The following SGCZ variants were observed in gnomAD, a reference collection of about 807,000 sequenced individuals.
SGCZ encodes the protein sarcoglycan zeta, also known as zeta-sarcoglycan.
A neutral mutation model predicts 41.3 loss-of-function variants in SGCZ; 40 were observed. The observed-to-expected ratio is 0.97, with a 90% CI of 0.75 to 1.26. SGCZ has a LOEUF of 1.26. Among genes scored for constraint, SGCZ ranks in the 50% most tolerant of loss-of-function variants. The pLI, the probability that SGCZ is intolerant of heterozygous loss-of-function variation, is 0.00. For missense variants in SGCZ, 552 were observed against 369.8 expected (o/e 1.49, Z -4.04); for synonymous variants, 206 against 137.5 (o/e 1.50, Z -3.49).
At chr8:14,907,420 T>C (rs776436890) in intron 1 of SGCZ, among the ~76,000 whole-genome samples, 48 of 152,090 alleles carry the variant, frequency 3.2e-4, no homozygotes, top group Admixed American at 6.6e-4. Flanking sequence ...ACTCCTGGGC[T>C]CAAGTGATCC....
At chr8:14,301,462 G>A (rs748441688) in intron 3 of SGCZ, among the ~76,000 whole-genome samples, 8 of 151,722 alleles carry the variant, frequency 5.3e-5, no homozygotes, top group East Asian at 1.9e-4. Flanking sequence ...ATTCACCCTC[G>A]TCTTAGTTTG....
chr8:15,056,295 A>G (rs981994825), intron 1 of SGCZ, among the ~76,000 whole-genome samples: 2 of 152,170 alleles, frequency 1.3e-5, no homozygotes, highest in African/African-American at 4.8e-5. Context: ...GATAATATGA[A>G]CTGATCTGAG....
At chr8:14,438,507 T>C (rs950925587) in intron 2 of SGCZ, among the ~76,000 whole-genome samples, 3 of 151,986 alleles carry the variant, frequency 2.0e-5, no homozygotes, top group Admixed American at 2.0e-4. Flanking sequence ...TCTATTCAAT[T>C]CTATTCTAGA....
At chr8:15,171,094 C>T (rs1799813572) in intron 1 of SGCZ, among the ~76,000 whole-genome samples, 1 of 152,080 alleles carries the variant, frequency 6.6e-6, no homozygotes, top group Non-Finnish European at 1.5e-5. Context: ...TTTACCTAGA[C>T]AAAAGATAAC....
intron 7 of SGCZ, 62 bp from the exon 8 acceptor site, chr8:14,090,699 A>T: frequency 7.1e-7 from 1 of 1,401,408 alleles, no homozygotes; most frequent in Non-Finnish European, 9.8e-7. Context: ...AGTAATCTAC[A>T]TCCCTCCTCA....
chr8:14,762,892 T>C (rs555735672), intron 1 of SGCZ, among the ~76,000 whole-genome samples: 2 of 152,200 alleles, frequency 1.3e-5, no homozygotes, highest in South Asian at 2.1e-4. Flanking sequence ...TGGAGTTAGA[T>C]AATTTTACAT....
In SGCZ at chr8:14,708,965, C is replaced by T. The variant is rs1399477678; in HGVS notation, c.40-154039G>A. Among the ~76,000 whole-genome samples, 5 of 151,994 alleles carry T rather than the reference C, an allele frequency of 3.3e-5. No individual in the cohort carries two copies. The South Asian group carries it at 6.2e-4, about 19-fold the overall frequency. On this transcript the variant is annotated intron_variant, in intron 1 of 7. Transcript: ENST00000382080. The stretch of plus-strand genomic sequence containing the variant: ...TTTCTAAGAAAAGAAATTTGATACC[C>T]AGAATTTTGTTCATCTTGACCCAAT...
At position 15,123,820 on chromosome 8, in the gene SGCZ, C is replaced by T. The variant is rs549615173; in HGVS notation, c.39+113765G>A. 4.7e-4 allele frequency among the ~76,000 whole-genome samples: 72 copies of T among 152,202 alleles called. 1 individual carries two copies. The highest frequency in any genetic ancestry group is 2.1e-4 in the South Asian group (1 of 4,826). On this transcript the variant is annotated intron_variant, in intron 1 of 7. Coordinates refer to ENST00000382080, the MANE Select transcript of SGCZ (RefSeq NM_139167.4). ...AAGTACACTGAAACAACATCAATCG[C>T]AGACTGAGGGTCAGACAAGGCTTTC...
intron 1 of SGCZ, among the ~76,000 whole-genome samples, chr8:15,116,555 T>C (rs1375143761): frequency 2.0e-5 from 3 of 152,190 alleles, no homozygotes; most frequent in Admixed American, 1.3e-4. Flanking sequence ...TTATTAAACC[T>C]CATCCAATTA....
At chr8:14,746,780 T>C (rs554791024) in intron 1 of SGCZ, among the ~76,000 whole-genome samples, 72 of 152,304 alleles carry the variant, frequency 4.7e-4, no homozygotes, top group African/African-American at 1.7e-3. Flanking sequence ...TGTTTGTGTG[T>C]ATACCAAACA....
intron 2 of SGCZ, among the ~76,000 whole-genome samples, chr8:14,483,479 G>C (rs566210960): frequency 6.6e-6 from 1 of 152,324 alleles, no homozygotes; most frequent in African/African-American, 2.4e-5. Context: ...GCTGAAGCAA[G>C]AGGATTGCTT....
intron 1 of SGCZ, among the ~76,000 whole-genome samples, chr8:14,978,239 G>GT (rs1801545344): frequency 6.6e-6 from 1 of 151,458 alleles, no homozygotes; most frequent in East Asian, 1.9e-4. Flanking sequence ...AGGCTGAGGG[G>GT]GGTGGATCAC....
At chr8:14,323,123 T>A (rs974986869) in intron 3 of SGCZ, among the ~76,000 whole-genome samples, 5 of 152,056 alleles carry the variant, frequency 3.3e-5, no homozygotes, top group African/African-American at 1.2e-4. Flanking sequence ...TTGCATATTT[T>A]AAAAAAGAAA....
intron 1 of SGCZ, among the ~76,000 whole-genome samples, chr8:14,835,681 C>T (rs961024742): frequency 6.6e-6 from 1 of 152,160 alleles, no homozygotes; most frequent in Non-Finnish European, 1.5e-5. Context: ...GTTTGCTGCG[C>T]TTTAGCCAAT....
At chr8:15,053,026 T>C (rs984018915) in intron 1 of SGCZ, among the ~76,000 whole-genome samples, 3 of 152,148 alleles carry the variant, frequency 2.0e-5, no homozygotes, top group Non-Finnish European at 4.4e-5. Flanking sequence ...AACTTCAAAA[T>C]CCAGCATTCC....
chr8:14,475,755 G>T (rs1554523821), intron 2 of SGCZ, among the ~76,000 whole-genome samples: 1 of 151,936 alleles, frequency 6.6e-6, no homozygotes, highest in Non-Finnish European at 1.5e-5. Context: ...CCATATCAAT[G>T]ATATATATAT....
At chr8:14,773,369 A>G (rs1030515462) in intron 1 of SGCZ, among the ~76,000 whole-genome samples, 1 of 152,140 alleles carries the variant, frequency 6.6e-6, no homozygotes, top group Non-Finnish European at 1.5e-5. Flanking sequence ...GACCACTACA[A>G]CCCAGTTATG....
intron 1 of SGCZ, among the ~76,000 whole-genome samples, chr8:15,062,089 T>A (rs1342566852): frequency 3.3e-5 from 5 of 152,196 alleles, no homozygotes; most frequent in African/African-American, 7.2e-5. Context: ...GTAAAAATTT[T>A]AAACATTCTT....
intron 1 of SGCZ, among the ~76,000 whole-genome samples, chr8:14,762,443 A>T (rs1004563750): frequency 2.4e-4 from 37 of 152,330 alleles, no homozygotes; most frequent in Admixed American, 2.4e-3. Context: ...AATAATTCCC[A>T]CTTTACAGGT....
Sources: allele counts gnomAD v4.1 joint callset (sites outside exome capture counted in the v4.1 genomes callset), GRCh38; gene constraint gnomAD v4.1.1; transcripts MANE v1.5; gene names NCBI Gene and HGNC (gene_info 2026-07-23, HGNC 2026-07-21).